GRIA4: variants seen among roughly 807,000 people sequenced by gnomAD.
The protein encoded by GRIA4 is glutamate receptor 4.
In GRIA4, 34 loss-of-function variants were observed where a neutral mutation model predicts 104.0. The observed-to-expected ratio is 0.33, with a 90% CI of 0.25 to 0.44. The LOEUF is 0.44. Among genes scored for constraint, GRIA4 ranks in the 20% least tolerant of loss-of-function variants. The pLI is 1.00. For synonymous variants in GRIA4, 386 were observed against 381.9 expected (o/e 1.01, Z -0.13); for missense variants, 750 against 1,096.5 (o/e 0.68, Z 4.46).
At chr11:105,838,268 T>C (rs904024548) in intron 4 of GRIA4, among the ~76,000 whole-genome samples, 1 of 152,212 alleles carries the variant, frequency 6.6e-6, no homozygotes, top group Non-Finnish European at 1.5e-5. Flanking sequence ...TCAGTCTTTT[T>C]CTACACAATG....
At position 105,705,049 on chromosome 11, in the gene GRIA4, G is replaced by A. The variant is rs747940175; in HGVS notation, c.248-47932G>A. Among the ~76,000 whole-genome samples, 5 of 152,014 alleles carry A rather than the reference G, an allele frequency of 3.3e-5. No individual in the cohort carries two copies. The South Asian group carries it at 1.0e-3, about 31-fold the overall frequency. On this transcript the variant is annotated intron_variant, in intron 3 of 16. Transcript: ENST00000282499. Reference sequence around the variant, plus strand: ...TCTATAATTAAAATAATGTGGTAACGGCACAATAATAGACAACAAAGTCAG... The same window carrying A: ...TCTATAATTAAAATAATGTGGTAACAGCACAATAATAGACAACAAAGTCAG...
At chr11:105,831,337 T>C (rs1457314870) in intron 4 of GRIA4, among the ~76,000 whole-genome samples, 1 of 151,996 alleles carries the variant, frequency 6.6e-6, no homozygotes, top group Non-Finnish European at 1.5e-5. Context: ...AATCTTCAAT[T>C]GCATCTCTCT....
chr11:105,902,077 C>A (rs1437417293), intron 7 of GRIA4, among the ~76,000 whole-genome samples: 1 of 152,138 alleles, frequency 6.6e-6, no homozygotes, highest in African/African-American at 2.4e-5. Context: ...GCTACCCCAT[C>A]CCAATCAATT....
intron 3 of GRIA4, among the ~76,000 whole-genome samples, chr11:105,744,686 T>G (rs932659174): frequency 2.6e-5 from 4 of 152,150 alleles, no homozygotes; most frequent in African/African-American, 9.7e-5. Context: ...ATAAAAACCT[T>G]TAGCTTCTGT....
At chr11:105,823,131 T>C (rs748852492) in intron 4 of GRIA4, among the ~76,000 whole-genome samples, 2 of 152,128 alleles carry the variant, frequency 1.3e-5, no homozygotes, top group Non-Finnish European at 2.9e-5. Context: ...TCTTCTCAAA[T>C]GCATTGTGAT....
At chr11:105,698,011 T>C (rs973152606) in intron 3 of GRIA4, among the ~76,000 whole-genome samples, 8 of 152,128 alleles carry the variant, frequency 5.3e-5, no homozygotes, top group African/African-American at 1.4e-4. Flanking sequence ...GAGATGGCAA[T>C]GATTTGAAAC....
chr11:105,726,515 A>T lies in GRIA4; in HGVS notation c.248-26466A>T, dbSNP rs182065140. Among the ~76,000 whole-genome samples, 124 of 152,296 alleles carry T rather than the reference A, an allele frequency of 8.1e-4. 2 individuals carry two copies. Among genetic ancestry groups the T allele is most frequent in the East Asian group, 4.1e-3 (21 of 5,160 alleles). The stretch of plus-strand genomic sequence containing the variant: ...CTGCCAGCTCTGAAGAGAGCAGCAG[A>T]TCTCCCAGCACAGCACTAGAGCTCT... On this transcript the variant is annotated intron_variant, in intron 3 of 16. Coordinates refer to ENST00000282499, the MANE Select transcript of GRIA4 (RefSeq NM_000829.4).
At chr11:105,625,121 A>G (rs1950853150) in intron 3 of GRIA4, among the ~76,000 whole-genome samples, 1 of 152,082 alleles carries the variant, frequency 6.6e-6, no homozygotes, top group African/African-American at 2.4e-5. Flanking sequence ...TGGAAGATAG[A>G]CAGAGAGAGA....
rs1423954509 is a variant in GRIA4, at chr11:105,790,827, A to G, written c.487+37607A>G. Among the ~76,000 whole-genome samples the G allele has an allele frequency of 9.2e-5, 14 of 152,344 alleles. No homozygotes were observed. In the East Asian group the frequency reaches 2.5e-3, roughly 27 times the overall value. On this transcript the variant is annotated intron_variant, in intron 4 of 16. Transcript: ENST00000282499. ...CTAAGTCTGGAAAATGCGAGTTAAA[A>G]TAATGGATCATTATATGTGGAAGCA...
intron 3 of GRIA4, among the ~76,000 whole-genome samples, chr11:105,655,156 T>C (rs1033900799): frequency 1.3e-5 from 2 of 152,144 alleles, no homozygotes; most frequent in African/African-American, 4.8e-5. Flanking sequence ...CACAGTTTTT[T>C]AAAAGTATTA....
At chr11:105,676,426 T>C (rs188533915) in intron 3 of GRIA4, among the ~76,000 whole-genome samples, 1 of 151,812 alleles carries the variant, frequency 6.6e-6, no homozygotes, top group African/African-American at 2.4e-5. Context: ...TATTTTGAAC[T>C]CATACATTCT....
At chr11:105,791,035 G>C (rs949224985) in intron 4 of GRIA4, among the ~76,000 whole-genome samples, 6 of 152,140 alleles carry the variant, frequency 3.9e-5, no homozygotes, top group Non-Finnish European at 5.9e-5. Flanking sequence ...CCACTGGGTA[G>C]ATGATGAGCT....
chr11:105,702,134 A>G (rs563012992), intron 3 of GRIA4, among the ~76,000 whole-genome samples: 84 of 152,202 alleles, frequency 5.5e-4, no homozygotes, highest in African/African-American at 2.0e-3. Context: ...GGATCTCACT[A>G]TGTTACCCAG....
intron 4 of GRIA4, among the ~76,000 whole-genome samples, chr11:105,830,502 G>C (rs1287990262): frequency 5.9e-5 from 9 of 151,982 alleles, no homozygotes; most frequent in Admixed American, 5.3e-4. Flanking sequence ...TTCTCTGCTG[G>C]CTGGCTCATA....
intron 5 of GRIA4, among the ~76,000 whole-genome samples, chr11:105,876,843 C>G (rs1945846113): frequency 2.0e-5 from 3 of 152,130 alleles, no homozygotes; most frequent in Admixed American, 2.0e-4. Context: ...ATACAGCACA[C>G]CGATGGGTCT....
chr11:105,797,966 C>T (rs1464197712), intron 4 of GRIA4: 2 of 362,712 alleles, frequency 5.5e-6, no homozygotes, highest in Admixed American at 3.3e-5. Flanking sequence ...TCTATGTATT[C>T]ATTTATTGAG....
intron 12 of GRIA4, 95 bp downstream of exon 12, chr11:105,924,864 AGG>A (rs1263127762): frequency 1.0e-6 from 1 of 986,630 alleles, no homozygotes; most frequent in Non-Finnish European, 1.5e-6. Context: ...CTGAAGACAG[AGG>A]ACTATTTGAA....
At chr11:105,829,107 A>ACACACACACACACACACACG (rs71041630) in intron 4 of GRIA4, among the ~76,000 whole-genome samples, 1 of 152,064 alleles carries the variant, frequency 6.6e-6, no homozygotes, top group Non-Finnish European at 1.5e-5. Context: ...ACACACACAC[A>ACACACACACACACACACACG]AATAGACTGA....
At chr11:105,928,863 T>C (rs1947793489) in intron 13 of GRIA4, among the ~76,000 whole-genome samples, 1 of 152,040 alleles carries the variant, frequency 6.6e-6, no homozygotes, top group Non-Finnish European at 1.5e-5. Flanking sequence ...ACTGGTGAGG[T>C]AGATAAGAGA....
Sources: allele counts gnomAD v4.1 joint callset (sites outside exome capture counted in the v4.1 genomes callset), GRCh38; gene constraint gnomAD v4.1.1; transcripts MANE v1.5; gene names NCBI Gene and HGNC (gene_info 2026-07-23, HGNC 2026-07-21).